ARHGAP26: variants seen among roughly 807,000 people sequenced by gnomAD.
ARHGAP26 encodes the protein Rho GTPase activating protein 26, also known as rho GTPase-activating protein 26.
ARHGAP26 carries 38 observed loss-of-function variants against 104.8 expected under a neutral mutation model. The observed-to-expected ratio is 0.36, with a 90% CI of 0.28 to 0.48. The LOEUF (loss-of-function observed/expected upper bound fraction) is 0.48, where lower values mean the gene tolerates loss of function less well. Among genes scored for constraint, ARHGAP26 ranks in the 20% least tolerant of loss-of-function variants. The pLI is 0.99. For synonymous variants in ARHGAP26, 341 were observed against 340.0 expected (o/e 1.00, Z -0.03); for missense variants, 704 against 947.9 (o/e 0.74, Z 3.38).
At chr5:143,111,368 AATC>A (rs754162732) in intron 17 of ARHGAP26, among the ~76,000 whole-genome samples, 5 of 152,186 alleles carry the variant, frequency 3.3e-5, no homozygotes, top group African/African-American at 4.8e-5. Context: ...GTAGATTTGA[AATC>A]AGACTGCAGA....
chr5:142,906,299 T>G (rs967470786), intron 8 of ARHGAP26, among the ~76,000 whole-genome samples: 2 of 152,320 alleles, frequency 1.3e-5, no homozygotes, highest in South Asian at 4.1e-4. Flanking sequence ...AGGTAACACC[T>G]TAAGATCATG....
At chr5:142,850,434 C>T (rs1751291463) in intron 1 of ARHGAP26, among the ~76,000 whole-genome samples, 1 of 152,008 alleles carries the variant, frequency 6.6e-6, no homozygotes, top group African/African-American at 2.4e-5. Context: ...GCATTAAAAA[C>T]AACAACAACA....
intron 1 of ARHGAP26, among the ~76,000 whole-genome samples, chr5:142,782,622 G>A (rs1207487327): frequency 6.6e-6 from 1 of 152,196 alleles, no homozygotes; most frequent in East Asian, 1.9e-4. Flanking sequence ...CAGAGAGTTG[G>A]AGAGGCTTTG....
At chr5:143,019,082 T>C (rs1779956231) in intron 12 of ARHGAP26, among the ~76,000 whole-genome samples, 1 of 152,160 alleles carries the variant, frequency 6.6e-6, no homozygotes, top group Admixed American at 6.6e-5. Flanking sequence ...TAAAAACCAA[T>C]ATTTTATTTT....
intron 20 of ARHGAP26, among the ~76,000 whole-genome samples, chr5:143,151,426 T>C (rs1562513972): frequency 6.6e-5 from 10 of 152,230 alleles, no homozygotes; most frequent in Non-Finnish European, 2.9e-5. Context: ...CTTTGGTATT[T>C]ACCCAAATGA....
chr5:143,037,141 C>A lies in ARHGAP26; in HGVS notation c.1145-55C>A, dbSNP rs913282748. The A allele has an allele frequency of 9.4e-6, 14 of 1,488,540 alleles. No individual in the cohort carries two copies. In the Admixed American group the frequency reaches 1.4e-4, roughly 15 times the overall value. The allele number at this position is 1,488,540 out of a possible 1,614,324, so 92.2% of individuals were successfully genotyped here. On this transcript the variant is annotated intron_variant, in intron 12 of 22. Transcript: ENST00000645722. ...TCATCCTGGTTTGGTTAAGCCCTAT[C>A]CTGAGGTTGATTTCCATGGCTAGCA...
intron 20 of ARHGAP26, among the ~76,000 whole-genome samples, chr5:143,206,840 A>T (rs1398967654): frequency 1.3e-5 from 2 of 152,260 alleles, no homozygotes; most frequent in African/African-American, 4.8e-5. Context: ...AAGGCTCGCT[A>T]TAAGCTAGCC....
intron 1 of ARHGAP26, among the ~76,000 whole-genome samples, chr5:142,854,307 G>A (rs1358335229): frequency 6.6e-6 from 1 of 152,124 alleles, no homozygotes; most frequent in East Asian, 1.9e-4. Context: ...AATCTGCTTT[G>A]TTCCTCTCCA....
intron 17 of ARHGAP26, among the ~76,000 whole-genome samples, chr5:143,079,088 A>G (rs1789446690): frequency 1.3e-5 from 2 of 152,224 alleles, no homozygotes; most frequent in Admixed American, 1.3e-4. Flanking sequence ...TTTTCACATA[A>G]CTAGTCTGCA....
At chr5:143,035,190 T>G (rs1782432622) in intron 12 of ARHGAP26, among the ~76,000 whole-genome samples, 1 of 152,212 alleles carries the variant, frequency 6.6e-6, no homozygotes, top group Admixed American at 6.5e-5. Context: ...TTTTAGGAAT[T>G]AGCATTCCTT....
chr5:143,140,748 G>A (rs1562495723), intron 19 of ARHGAP26, among the ~76,000 whole-genome samples: 1 of 152,066 alleles, frequency 6.6e-6, no homozygotes, highest in Non-Finnish European at 1.5e-5. Context: ...CGGTGGGGGT[G>A]GGGGTGGGGG....
chr5:143,163,099 A>G (rs258788), intron 20 of ARHGAP26, among the ~76,000 whole-genome samples: 49,486 of 152,076 alleles, frequency 0.33, 8,869 homozygotes, highest in East Asian at 0.49. Context: ...TGGGTGACAC[A>G]GTAAGACCTC....
At chr5:142,922,404 G>C (rs948198266) in intron 10 of ARHGAP26, among the ~76,000 whole-genome samples, 1 of 148,712 alleles carries the variant, frequency 6.7e-6, no homozygotes, top group African/African-American at 2.5e-5. Context: ...TATACACCTT[G>C]TATACATTGA....
intron 1 of ARHGAP26, among the ~76,000 whole-genome samples, chr5:142,821,049 G>T (rs1766063335): frequency 6.6e-6 from 1 of 152,206 alleles, no homozygotes; most frequent in Non-Finnish European, 1.5e-5. Flanking sequence ...GACTCCTTGA[G>T]GTGGAACTCA....
At chr5:142,827,393 C>T (rs948530869) in intron 1 of ARHGAP26, among the ~76,000 whole-genome samples, 1 of 152,204 alleles carries the variant, frequency 6.6e-6, no homozygotes, top group Admixed American at 6.5e-5. Context: ...AGCTTAATGC[C>T]TCCAAGCTAA....
intron 11 of ARHGAP26, among the ~76,000 whole-genome samples, chr5:143,012,407 T>C (rs979615155): frequency 1.3e-5 from 2 of 150,276 alleles, no homozygotes; most frequent in Admixed American, 1.3e-4. Flanking sequence ...TTCTCCGTCA[T>C]ATTTCTTAAG....
chr5:142,805,718 A>G (rs1322114247), intron 1 of ARHGAP26, among the ~76,000 whole-genome samples: 1 of 152,176 alleles, frequency 6.6e-6, no homozygotes, highest in Non-Finnish European at 1.5e-5. Context: ...AGCTGGACAG[A>G]TTTTAGTAGG....
chr5:142,923,271 A>G (rs552979426), intron 10 of ARHGAP26, among the ~76,000 whole-genome samples: 1 of 152,266 alleles, frequency 6.6e-6, no homozygotes, highest in East Asian at 1.9e-4. Flanking sequence ...CAGTTTATTT[A>G]CCAATTTCTA....
In ARHGAP26 at chr5:143,070,082, G is replaced by GT. The variant is rs1472711824; in HGVS notation, c.1538+12343dup. On this transcript the variant is annotated intron_variant, in intron 17 of 22. Transcript: ENST00000645722. ...CTCAGAATCCAGCACATTTAAACCTGTTTTTTTTAAGTCACCAGGCAAATG... is the reference window on the plus strand; with the variant it reads ...CTCAGAATCCAGCACATTTAAACCTGTTTTTTTTTAAGTCACCAGGCAAATG... 7.2e-5 allele frequency among the ~76,000 whole-genome samples: 11 copies of GT among 151,932 alleles called. No homozygotes were observed. In the East Asian group the frequency reaches 7.7e-4, roughly 11 times the overall value.
Sources: gnomAD v4.1 joint callset for allele counts (sites outside exome capture counted in the v4.1 genomes callset) on GRCh38, gnomAD v4.1.1 for gene constraint, MANE v1.5 for transcripts, NCBI Gene and HGNC (gene_info 2026-07-23, HGNC 2026-07-21) for gene names.